The following ERGIC2 variants were observed in gnomAD, a reference collection of about 807,000 sequenced individuals.
ERGIC2 encodes the protein endoplasmic reticulum-Golgi intermediate compartment protein 2.
A neutral mutation model predicts 52.5 loss-of-function variants in ERGIC2; 31 were observed. The ratio of observed to expected loss-of-function variants is 0.59; its 90% CI spans 0.44 to 0.80. The LOEUF (loss-of-function observed/expected upper bound fraction) is 0.80, where lower values mean the gene tolerates loss of function less well. Ranked by LOEUF, ERGIC2 falls within the 30% of genes least tolerant of loss-of-function variation. The pLI is 0.00. For missense variants in ERGIC2, 395 were observed against 455.2 expected (o/e 0.87, Z 1.20); for synonymous variants, 129 against 140.6 (o/e 0.92, Z 0.58).
chr12:29,356,446 ATGCATTTGGAGAC>A lies in ERGIC2; in HGVS notation c.495_507del (p.Gln165HisfsTer13), dbSNP rs761879507. ...ACATATAGATGGCCATGAATTCTGC[ATGCATTTGGAGAC>A]TGTGATGAATCATCTTCTCTGTTAA... On this transcript the variant is annotated frameshift_variant, in exon 8 of 14. Coordinates refer to ENST00000360150, the MANE Select transcript of ERGIC2 (RefSeq NM_016570.3). LOFTEE classifies it high-confidence loss of function. 1.9e-6 allele frequency: 3 copies of A among 1,601,388 alleles called. No individual in the cohort carries two copies. Among genetic ancestry groups the A allele is most frequent in the Non-Finnish European group, 2.6e-6 (3 of 1,168,516 alleles).
In ERGIC2 at chr12:29,349,098, A is replaced by G. The variant is rs912381345; in HGVS notation, c.708T>C (p.Thr236=). 9 of 1,545,408 alleles carry G rather than the reference A, an allele frequency of 5.8e-6. No homozygotes were observed. Among genetic ancestry groups the G allele is most frequent in the African/African-American group, 1.4e-5 (1 of 71,420 alleles). The change falls in exon 10 of 14, where the codon ACT becomes ACC. Residue 236 remains threonine (T), a synonymous_variant. Coordinates refer to ENST00000360150, the MANE Select transcript of ERGIC2 (RefSeq NM_016570.3). ...ACTTACGATCTATAGCAATTTTTTC[A>G]GTTCCATCTAAAGGATTAATAATTG... ...VPAIINPLDG[T]EKIAIDHNQM... is the part of the protein sequence containing the mutation.
chr12:29,356,651 T>C (rs1281760903), intron 7 of ERGIC2, among the ~76,000 whole-genome samples, 174 bp from the exon 8 acceptor site: 1 of 152,136 alleles, frequency 6.6e-6, no homozygotes, highest in Non-Finnish European at 1.5e-5. Flanking sequence ...TATACATCTA[T>C]AAAATGGGAA....
intron 8 of ERGIC2, among the ~76,000 whole-genome samples, chr12:29,355,495 T>C (rs1940190583): frequency 1.3e-5 from 2 of 152,284 alleles, no homozygotes; most frequent in African/African-American, 2.4e-5. Context: ...CAGCACTCTA[T>C]ATGGAAAAGA....
At chr12:29,347,773 C>T (rs879358092) in intron 10 of ERGIC2, among the ~76,000 whole-genome samples, 14 of 151,916 alleles carry the variant, frequency 9.2e-5, no homozygotes, top group Non-Finnish European at 1.5e-4. Context: ...ACATATATTA[C>T]GAAGGAGAAA....
At chr12:29,379,890 C>A (rs986643551) in intron 1 of ERGIC2, among the ~76,000 whole-genome samples, 5 of 152,050 alleles carry the variant, frequency 3.3e-5, no homozygotes, top group African/African-American at 1.2e-4. Context: ...AATCATCAAT[C>A]CCCAAAGAAA....
At chr12:29,347,579 G>A (rs1016639559) in intron 10 of ERGIC2, among the ~76,000 whole-genome samples, 2 of 151,952 alleles carry the variant, frequency 1.3e-5, no homozygotes, top group African/African-American at 2.4e-5. Flanking sequence ...CTATAGGAAC[G>A]TGCGCTCTAT....
chr12:29,364,168 T>C (rs1300447427), intron 5 of ERGIC2, among the ~76,000 whole-genome samples: 1 of 151,408 alleles, frequency 6.6e-6, no homozygotes, highest in African/African-American at 2.4e-5. Context: ...ACAGAGAAAA[T>C]GGGTAATAAA....
intron 8 of ERGIC2, among the ~76,000 whole-genome samples, chr12:29,352,218 T>G (rs1940142640): frequency 6.6e-6 from 1 of 152,248 alleles, no homozygotes; most frequent in Non-Finnish European, 1.5e-5. Context: ...ATTACTCAAC[T>G]GTGGTACTGT....
chr12:29,375,973 A>C (rs1940509542), intron 1 of ERGIC2, among the ~76,000 whole-genome samples: 2 of 152,244 alleles, frequency 1.3e-5, no homozygotes. Flanking sequence ...CTTTTCTAAA[A>C]GAAATTGCTG....
chr12:29,374,900 T>C (rs1033079704), intron 1 of ERGIC2, among the ~76,000 whole-genome samples: 27 of 152,128 alleles, frequency 1.8e-4, no homozygotes, highest in African/African-American at 6.0e-4. Context: ...AAATCTGATA[T>C]TTCTCTTCAA....
intron 8 of ERGIC2, among the ~76,000 whole-genome samples, chr12:29,352,857 A>T (rs1189550220): frequency 6.6e-6 from 1 of 152,110 alleles, no homozygotes; most frequent in East Asian, 1.9e-4. Flanking sequence ...ACACTTCTAC[A>T]AATAAGTACT....
intron 1 of ERGIC2, among the ~76,000 whole-genome samples, chr12:29,376,419 A>C (rs1013393535): frequency 2.0e-4 from 31 of 152,104 alleles, no homozygotes; most frequent in Admixed American, 2.0e-3. Context: ...CTCCATTATC[A>C]TCCTTTGGAA....
intron 12 of ERGIC2, among the ~76,000 whole-genome samples, 186 bp downstream of exon 12, chr12:29,342,934 T>C (rs1389905013): frequency 1.3e-5 from 2 of 152,230 alleles, no homozygotes; most frequent in Admixed American, 6.5e-5. Flanking sequence ...CCTTACATCA[T>C]TGAATACAAT....
intron 5 of ERGIC2, among the ~76,000 whole-genome samples, chr12:29,366,242 G>C (rs995661232): frequency 4.6e-5 from 7 of 151,944 alleles, no homozygotes; most frequent in Admixed American, 2.0e-4. Flanking sequence ...TTTAGGGCTA[G>C]TTCTGATCAT....
At position 29,341,040 on chromosome 12, in the gene ERGIC2, G is replaced by A; in HGVS notation, c.*116C>T. 1.3e-6 allele frequency: 1 copy of A among 757,444 alleles called. No homozygotes were observed. Among genetic ancestry groups the A allele is most frequent in the Non-Finnish European group, 2.2e-6 (1 of 457,666 alleles). The allele number at this position is 757,444 out of a possible 1,614,324, so 46.9% of individuals were successfully genotyped here. On this transcript the variant is annotated 3_prime_UTR_variant, in exon 14 of 14. Transcript: ENST00000360150. ...TCCTTTTTTTTCTTTTTTAAAATAA[G>A]TATGTTTTCTGCTTATTTGTGTTTT... is the stretch of plus-strand genomic sequence containing the variant.
chr12:29,379,943 G>T (rs1272842467), intron 1 of ERGIC2, among the ~76,000 whole-genome samples: 2 of 151,812 alleles, frequency 1.3e-5, no homozygotes, highest in African/African-American at 4.8e-5. Flanking sequence ...AACTCTCGTT[G>T]TTCCAGACTA....
At chr12:29,353,526 AC>A (rs1231656145) in intron 8 of ERGIC2, among the ~76,000 whole-genome samples, 1 of 152,024 alleles carries the variant, frequency 6.6e-6, no homozygotes. Context: ...GAAATCTGAA[AC>A]ACTCTTAAGC....
intron 9 of ERGIC2, among the ~76,000 whole-genome samples, chr12:29,349,584 T>A (rs1259288740): frequency 6.6e-6 from 1 of 152,068 alleles, no homozygotes; most frequent in Non-Finnish European, 1.5e-5. Context: ...TATTGCTAAA[T>A]GTGACCAAAC....
At chr12:29,356,029 T>TC (rs1940197232) in intron 8 of ERGIC2, among the ~76,000 whole-genome samples, 2 of 148,850 alleles carry the variant, frequency 1.3e-5, no homozygotes, top group South Asian at 4.2e-4. Flanking sequence ...AGTATTTACT[T>TC]TTTTTTTTTT....
Sources: gnomAD v4.1 joint callset for allele counts (sites outside exome capture counted in the v4.1 genomes callset) on GRCh38, gnomAD v4.1.1 for gene constraint, MANE v1.5 for transcripts, NCBI Gene and HGNC (gene_info 2026-07-23, HGNC 2026-07-21) for gene names.